The following KIF20A variants were observed in gnomAD, a reference collection of about 807,000 sequenced individuals.
KIF20A encodes kinesin-like protein KIF20A.
Under a neutral mutation model 113.0 loss-of-function variants are expected in KIF20A, and 66 were observed. The ratio of observed to expected loss-of-function variants is 0.58; its 90% CI spans 0.48 to 0.72. The LOEUF is 0.72. KIF20A is among the 30% of genes least tolerant of loss of function. The probability of loss-of-function intolerance (pLI) is 0.00; values close to 1 mark genes in which losing one functional copy is unlikely to be tolerated. For missense variants in KIF20A, 927 were observed against 1,077.6 expected (o/e 0.86, Z 1.96); for synonymous variants, 376 against 402.3 (o/e 0.93, Z 0.78).
rs769654647 is a variant in KIF20A at position 138,181,409 on chromosome 5, G to A, written c.166-13G>A. 5 of 1,612,502 alleles carry A rather than the reference G, an allele frequency of 3.1e-6. No individual in the cohort carries two copies. The highest frequency in any genetic ancestry group is 4.2e-6 in the Non-Finnish European group (5 of 1,178,614). ...AAATTAATCTGTGGTTCTGGGCTGG[G>A]ATTCTGCCACAGGTTCCATCTGAGG... On this transcript the variant is annotated splice_polypyrimidine_tract_variant and intron_variant, in intron 2 of 18. Coordinates refer to ENST00000394894, the MANE Select transcript of KIF20A (RefSeq NM_005733.3).
chr5:138,186,295 A>C lies in KIF20A; in HGVS notation c.2219A>C (p.Asn740Thr), dbSNP rs765501495. ...TGATTCCTACTTCCCCTTTTTCAGA[A>C]TATAAGGCTGTTGCGGACAGAGCTT... The part of the protein sequence containing the change: ...VDKKLEEGQK[N>T]IRLLRTELQK... Residue 740 changes from asparagine (N) to threonine (T), a missense_variant and splice_region_variant, in exon 18 of 19, where the codon AAT (asparagine) becomes ACT (threonine). By Grantham distance (65) the Asn-to-Thr change is moderately conservative. Coordinates refer to ENST00000394894, the MANE Select transcript of KIF20A (RefSeq NM_005733.3). 7.5e-6 allele frequency: 12 copies of C among 1,592,918 alleles called. No individual in the cohort carries two copies. In the Admixed American group the frequency reaches 1.4e-4, roughly 18 times the overall value.
rs564342284 is a variant in KIF20A at position 138,185,608 on chromosome 5, C to T, written c.2023C>T (p.Arg675Trp). Residue 675 changes from arginine to tryptophan, a missense_variant, in exon 16 of 19, where the codon CGG becomes TGG. Physicochemically the swap from Arg to Trp is moderately radical, Grantham distance 101 (BLOSUM62 -3). Transcript: ENST00000394894. ...HQQSGSELAL[R>W]RSQRLAASAS... ...GCAATCAGGGTCTGAATTGGCCCTACGGCGGTCACAAAGGTTGGCAGCTTC... is the reference window on the plus strand; with the variant it reads ...GCAATCAGGGTCTGAATTGGCCCTATGGCGGTCACAAAGGTTGGCAGCTTC... 21 of 1,614,196 alleles carry T rather than the reference C, an allele frequency of 1.3e-5. No individual in the cohort carries two copies. The highest frequency in any genetic ancestry group is 1.1e-4 in the East Asian group (5 of 44,892).
chr5:138,181,656 C>T lies in KIF20A; in HGVS notation c.303C>T (p.Pro101=). The change falls in exon 4 of 19, where the codon CCC becomes CCT. Residue 101 remains proline, a synonymous_variant. Transcript: ENST00000394894. ...TGGAGACCCTTGTTCTACAAGCACCCAAGGACTCTTTTGCCCTGAAGAGCA... is the reference window on the plus strand; with the variant it reads ...TGGAGACCCTTGTTCTACAAGCACCTAAGGACTCTTTTGCCCTGAAGAGCA... ...ENVETLVLQA[P]KDSFALKSNE... is the part of the protein sequence containing the mutation. The T allele has an allele frequency of 1.2e-6, 2 of 1,614,198 alleles. No homozygotes were observed. Among genetic ancestry groups the T allele is most frequent in the South Asian group, 2.2e-5 (2 of 91,080 alleles).
At chr5:138,180,092 G>C (rs10038448) in intron 2 of KIF20A, among the ~76,000 whole-genome samples, 109,528 of 152,120 alleles carry the variant, frequency 0.72, 39,895 homozygotes, top group South Asian at 0.79. Flanking sequence ...TAATGAAATA[G>C]CCTCAAATGC....
intron 13 of KIF20A, 54 bp downstream of exon 13, chr5:138,184,730 A>C: frequency 6.2e-7 from 1 of 1,610,294 alleles, no homozygotes; most frequent in Middle Eastern, 1.7e-4. Flanking sequence ...ACATTTTTCC[A>C]TGGTGCCTTC....
In KIF20A at chr5:138,184,273, A is replaced by T. The variant is rs1754707939; in HGVS notation, c.1387A>T (p.Lys463Ter). The T allele has an allele frequency of 6.2e-7, 1 of 1,614,018 alleles. No individual in the cohort carries two copies. The highest frequency in any genetic ancestry group is 2.2e-5 in the East Asian group (1 of 44,894). ...GAACCTGGTTCCCTTCCGTGACAGC[A>T]AGTTGACTCGAGTGTTCCAAGGTTT... Reference protein sequence around the residue: ...KQNLVPFRDSKLTRVFQGFFT... With the variant: ...KQNLVPFRDS Residue 463 changes from lysine (K) to a stop codon, truncating the protein, a stop_gained, in exon 12 of 19, where the codon AAG becomes TAG. Transcript: ENST00000394894. LOFTEE classifies it high-confidence loss of function.
intron 18 of KIF20A, 116 bp from the exon 19 acceptor site, chr5:138,186,979 CT>C (rs1754755274): frequency 1.3e-6 from 1 of 790,686 alleles, no homozygotes. Flanking sequence ...GAGTTTTAAT[CT>C]TTGAAGAAAC....
rs753010016 is a variant in KIF20A, at chr5:138,184,687, A to G, written c.1683+11A>G. On this transcript the variant is annotated intron_variant, in intron 13 of 18. Transcript: ENST00000394894. ...ATGTATGGCAAAGAGGTGAGAATAC[A>G]AGAAAGCTTTAGTGTAGCAGCTTAG... 3.7e-6 allele frequency: 6 copies of G among 1,613,384 alleles called. No individual in the cohort carries two copies. Among genetic ancestry groups the G allele is most frequent in the East Asian group, 4.5e-5 (2 of 44,840 alleles).
rs140741750 is a variant in KIF20A at position 138,184,559 on chromosome 5, G to A, written c.1566G>A (p.Ser522=). The change falls in exon 13 of 19, where the codon TCG becomes TCA. Residue 522 remains serine, a synonymous_variant. Coordinates refer to ENST00000394894, the MANE Select transcript of KIF20A (RefSeq NM_005733.3). ...PMQLGFPSLH[S]FIKEHSLQVS... is the part of the protein sequence containing the mutation. ...AACTGGGATTCCCATCCCTGCACTC[G>A]TTCATCAAGGAACATAGTCTTCAGG... The A allele has an allele frequency of 1.9e-4, 301 of 1,614,092 alleles. No individual in the cohort carries two copies. Among genetic ancestry groups the A allele is most frequent in the Non-Finnish European group, 2.4e-4 (281 of 1,180,008 alleles).
chr5:138,183,899 A>G lies in KIF20A; in HGVS notation c.1209-63A>G, dbSNP rs900465589. On this transcript the variant is annotated intron_variant, in intron 10 of 18. Transcript: ENST00000394894. This position sits in a 1 kb window ranked among gnomAD's most constrained non-coding sequence, Gnocchi z 5.2. Reference sequence around the variant, plus strand: ...TGGGCCGTCCCCTCTCCAGAATTATACAAAGGGCCAGAAGGCTCATAACAT... The same window carrying G: ...TGGGCCGTCCCCTCTCCAGAATTATGCAAAGGGCCAGAAGGCTCATAACAT... 5 of 1,607,422 alleles carry G rather than the reference A, an allele frequency of 3.1e-6. No homozygotes were observed. The highest frequency in any genetic ancestry group is 2.7e-5 in the African/African-American group (2 of 74,656).
At position 138,187,415 on chromosome 5, in the gene KIF20A, G is replaced by C; in HGVS notation, c.*2G>C. On this transcript the variant is annotated 3_prime_UTR_variant, in exon 19 of 19. Coordinates refer to ENST00000394894, the MANE Select transcript of KIF20A (RefSeq NM_005733.3). ...GGGCCTTTTGGCAAAAAGTACTAAG[G>C]CTGTGGGGAAAGAGAAGAGCAGTCA... 1 of 1,609,494 alleles carries C rather than the reference G, an allele frequency of 6.2e-7. No individual in the cohort carries two copies. Among genetic ancestry groups the C allele is most frequent in the Non-Finnish European group, 8.5e-7 (1 of 1,176,998 alleles).
At chr5:138,186,157 A>T in intron 17 of KIF20A, 105 bp downstream of exon 17, 1 of 1,468,770 alleles carries the variant, frequency 6.8e-7, no homozygotes, top group Non-Finnish European at 9.4e-7. Context: ...TTTTGTGCAC[A>T]GTTCTGGAGA....
chr5:138,185,504 CCT>C lies in KIF20A; in HGVS notation c.1927-5_1927-4del, dbSNP rs1754729498. On this transcript the variant is annotated splice_region_variant and splice_polypyrimidine_tract_variant and intron_variant, in intron 15 of 18. Coordinates refer to ENST00000394894, the MANE Select transcript of KIF20A (RefSeq NM_005733.3). ...TGCAAAGAATTGTGCTCTCTGCTTC[CCT>C]CTTAGGAGCGGGATGAAAAGATTGA... is the stretch of plus-strand genomic sequence containing the variant. 1 of 1,612,546 alleles carries C rather than the reference CCT, an allele frequency of 6.2e-7. No individual in the cohort carries two copies. Among genetic ancestry groups the C allele is most frequent in the Admixed American group, 1.7e-5 (1 of 59,992 alleles).
rs774485394 is a variant in KIF20A at position 138,184,258 on chromosome 5, C to G, written c.1372C>G (p.Pro458Ala). The change falls in exon 12 of 19, where the codon CCC becomes GCC. Residue 458 changes from proline (P) to alanine (A), a missense_variant. By Grantham distance (27) the Pro-to-Ala change is conservative. Coordinates refer to ENST00000394894, the MANE Select transcript of KIF20A (RefSeq NM_005733.3). ...TGCCAGGTCAAAGCAGAACCTGGTT[C>G]CCTTCCGTGACAGCAAGTTGACTCG... ...QQNRSKQNLV[P>A]FRDSKLTRVF... 6.2e-7 allele frequency: 1 copy of G among 1,614,144 alleles called. No homozygotes were observed. Among genetic ancestry groups the G allele is most frequent in the Admixed American group, 1.7e-5 (1 of 60,024 alleles).
rs769566391 is a variant in KIF20A at position 138,183,210 on chromosome 5, C to A, written c.874C>A (p.Pro292Thr). 2 of 1,614,130 alleles carry A rather than the reference C, an allele frequency of 1.2e-6. No homozygotes were observed. Among genetic ancestry groups the A allele is most frequent in the African/African-American group, 2.7e-5 (2 of 74,952 alleles). The change falls in exon 8 of 19, where the codon CCT becomes ACT. Residue 292 changes from proline (P) to threonine (T), a missense_variant. By Grantham distance (38) the Pro-to-Thr change is conservative. Transcript: ENST00000394894. The surrounding 1 kb of genome is among the most constrained non-coding windows in gnomAD (Gnocchi z 5.2). ...GGCACAGCCAGACACTGCCCCACTA[C>A]CTGTCCCGGCAAACATTCGCTTCTC... ...RWAQPDTAPL[P>T]VPANIRFSIW...
chr5:138,184,684 T>C lies in KIF20A; in HGVS notation c.1683+8T>C. 1.2e-6 allele frequency: 2 copies of C among 1,613,492 alleles called. No individual in the cohort carries two copies. The highest frequency in any genetic ancestry group is 1.7e-6 in the Non-Finnish European group (2 of 1,179,498). On this transcript the variant is annotated splice_region_variant and intron_variant, in intron 13 of 18. Transcript: ENST00000394894. ...TCCATGTATGGCAAAGAGGTGAGAA[T>C]ACAAGAAAGCTTTAGTGTAGCAGCT...
rs1754759805 is a variant in KIF20A at position 138,187,228 on chromosome 5, C to T, written c.2488C>T (p.Leu830Phe). The T allele has an allele frequency of 1.2e-6, 2 of 1,614,178 alleles. No individual in the cohort carries two copies. The highest frequency in any genetic ancestry group is 1.3e-5 in the African/African-American group (1 of 75,034). The change falls in exon 19 of 19, where the codon CTT becomes TTT. Residue 830 changes from leucine (L) to phenylalanine (F), a missense_variant. Coordinates refer to ENST00000394894, the MANE Select transcript of KIF20A (RefSeq NM_005733.3). ...AGGCCAGGTTTCTGCCAAAAAGCGCCTTGGTACCAACCAGGAAAATCAGCA... is the reference window on the plus strand; with the variant it reads ...AGGCCAGGTTTCTGCCAAAAAGCGCTTTGGTACCAACCAGGAAAATCAGCA... The part of the protein sequence containing the change: ...LQGQVSAKKR[L>F]GTNQENQQPN...
rs1377400119 is a variant in KIF20A at position 138,181,606 on chromosome 5, C to A, written c.256-3C>A. 2 of 1,614,186 alleles carry A rather than the reference C, an allele frequency of 1.2e-6. No homozygotes were observed. Among genetic ancestry groups the A allele is most frequent in the Non-Finnish European group, 1.7e-6 (2 of 1,180,036 alleles). Reference sequence around the variant, plus strand: ...GTGACAACTGTATTTTCTCCCTTCTCAGGGTTGTGTCCGTATTGAGAATGT... The same window carrying A: ...GTGACAACTGTATTTTCTCCCTTCTAAGGGTTGTGTCCGTATTGAGAATGT... On this transcript the variant is annotated splice_polypyrimidine_tract_variant and splice_region_variant and intron_variant, in intron 3 of 18. Transcript: ENST00000394894.
Position 138,183,650 on chromosome 5 carries a change from A to G in KIF20A, c.1140-38A>G. On this transcript the variant is annotated intron_variant, in intron 9 of 18. Transcript: ENST00000394894. The surrounding 1 kb of genome is among the most constrained non-coding windows in gnomAD (Gnocchi z 5.2). Reference sequence around the variant, plus strand: ...ACATTAGTCCTCTGCCTGGTCATGGAAAATGTGCAATGACTTTTTGTTTTT... The same window carrying G: ...ACATTAGTCCTCTGCCTGGTCATGGGAAATGTGCAATGACTTTTTGTTTTT... The G allele has an allele frequency of 6.2e-7, 1 of 1,609,470 alleles. No individual in the cohort carries two copies.
Sources: gnomAD v4.1 joint callset for allele counts (sites outside exome capture counted in the v4.1 genomes callset) on GRCh38, gnomAD v4.1.1 for gene constraint, Gnocchi (gnomAD v3.1) non-coding constraint, MANE v1.5 for transcripts, NCBI Gene and HGNC (gene_info 2026-07-23, HGNC 2026-07-21) for gene names.